EYS: variants seen among roughly 807,000 people sequenced by gnomAD.
EYS encodes the protein EGF-like photoreceptor maintenance factor.
Under a neutral mutation model 282.1 loss-of-function variants are expected in EYS, and 250 were observed. The ratio of observed to expected loss-of-function variants is 0.89; its 90% CI spans 0.80 to 0.98. The LOEUF (loss-of-function observed/expected upper bound fraction) is 0.98. Among genes scored for constraint, EYS ranks in the 50% least tolerant of loss-of-function variants. The pLI is 0.00. For synonymous variants in EYS, 1,355 were observed against 1,282.9 expected (o/e 1.06, Z -1.20); for missense variants, 4,016 against 3,709.0 (o/e 1.08, Z -2.15).
chr6:63,739,452 G>A (rs1769016942), intron 41 of EYS, among the ~76,000 whole-genome samples: 1 of 152,116 alleles, frequency 6.6e-6, no homozygotes, highest in Non-Finnish European at 1.5e-5. Context: ...TCTTTAAACA[G>A]TTATTGGATT....
At chr6:64,402,536 C>A (rs1249794962) in intron 28 of EYS, among the ~76,000 whole-genome samples, 1 of 152,166 alleles carries the variant, frequency 6.6e-6, no homozygotes, top group Admixed American at 6.6e-5. Context: ...TTAAATGGCA[C>A]CTCCTTCTAT....
intron 11 of EYS, among the ~76,000 whole-genome samples, chr6:65,320,288 C>T (rs1019180452): frequency 1.3e-5 from 2 of 151,876 alleles, no homozygotes; most frequent in African/African-American, 2.4e-5. Context: ...GACAAAAGCA[C>T]ATGTAGCCTG....
At chr6:65,519,148 T>C (rs965672438) in intron 2 of EYS, among the ~76,000 whole-genome samples, 1 of 152,198 alleles carries the variant, frequency 6.6e-6, no homozygotes, top group Admixed American at 6.5e-5. Flanking sequence ...TGTAGCACAC[T>C]ATTAATAATG....
intron 30 of EYS, among the ~76,000 whole-genome samples, chr6:64,233,386 A>G (rs1766487419): frequency 6.6e-6 from 1 of 152,178 alleles, no homozygotes; most frequent in African/African-American, 2.4e-5. Flanking sequence ...AAAATTTAGA[A>G]TGAAATAAAA....
At chr6:64,665,015 A>G (rs188739227) in intron 22 of EYS, among the ~76,000 whole-genome samples, 100 of 152,338 alleles carry the variant, frequency 6.6e-4, no homozygotes, top group Non-Finnish European at 1.1e-3. Flanking sequence ...CACATGTGTG[A>G]AAAAAGAGTC....
intron 11 of EYS, among the ~76,000 whole-genome samples, chr6:65,333,482 C>T (rs578257003): frequency 3.3e-5 from 5 of 151,578 alleles, no homozygotes; most frequent in South Asian, 4.2e-4. Context: ...GGAGAGTGTG[C>T]CATGTACATT....
intron 41 of EYS, among the ~76,000 whole-genome samples, chr6:63,736,025 A>G (rs1367307713): frequency 1.3e-5 from 2 of 152,178 alleles, no homozygotes; most frequent in African/African-American, 4.8e-5. Flanking sequence ...ATTATTGAGC[A>G]GATGATCAAA....
intron 34 of EYS, among the ~76,000 whole-genome samples, chr6:63,992,636 T>C (rs1238364215): frequency 6.6e-6 from 1 of 151,280 alleles, no homozygotes; most frequent in African/African-American, 2.4e-5. Flanking sequence ...AAAATACCTA[T>C]AGAAGATACA....
intron 18 of EYS, among the ~76,000 whole-genome samples, chr6:64,901,431 T>C (rs1300108446): frequency 6.6e-6 from 1 of 151,512 alleles, no homozygotes; most frequent in Non-Finnish European, 1.5e-5. Flanking sequence ...CAATAAGATA[T>C]AACTTTACAC....
chr6:64,172,125 C>T (rs367588840), intron 31 of EYS, among the ~76,000 whole-genome samples: 2 of 152,138 alleles, frequency 1.3e-5, no homozygotes, highest in African/African-American at 4.8e-5. Flanking sequence ...TTTCAATATT[C>T]TTTCCTGATC....
intron 12 of EYS, among the ~76,000 whole-genome samples, chr6:65,210,901 GAT>G (rs1473425881): frequency 1.3e-5 from 2 of 150,552 alleles, no homozygotes; most frequent in Non-Finnish European, 3.0e-5. Flanking sequence ...AGCCTTTCCT[GAT>G]GTTTTAATTT....
intron 7 of EYS, among the ~76,000 whole-genome samples, chr6:65,398,083 G>T (rs994663039): frequency 6.6e-5 from 10 of 151,856 alleles, no homozygotes; most frequent in African/African-American, 2.2e-4. Context: ...CATGCCTTTT[G>T]CTGACTTTTT....
intron 31 of EYS, among the ~76,000 whole-genome samples, chr6:64,087,816 T>C (rs1772207947): frequency 6.6e-6 from 1 of 152,108 alleles, no homozygotes; most frequent in African/African-American, 2.4e-5. Flanking sequence ...TCTTTATATA[T>C]GGGTTTATAT....
At chr6:64,889,353 AT>A (rs558106163) in intron 18 of EYS, among the ~76,000 whole-genome samples, 7 of 151,158 alleles carry the variant, frequency 4.6e-5, no homozygotes, top group Non-Finnish European at 7.4e-5. Flanking sequence ...CTGAGTATTA[AT>A]TTTTTTTTGT....
chr6:65,094,373 G>A (rs1774673992), intron 12 of EYS, among the ~76,000 whole-genome samples: 2 of 147,320 alleles, frequency 1.4e-5, no homozygotes, highest in African/African-American at 5.0e-5. Flanking sequence ...TAGACCAACG[G>A]GACCTAACAG....
At chr6:65,476,868 G>T (rs1008591691) in intron 5 of EYS, among the ~76,000 whole-genome samples, 3 of 152,078 alleles carry the variant, frequency 2.0e-5, no homozygotes, top group African/African-American at 4.8e-5. Context: ...AGCCACAGTA[G>T]CCAGCCTAAA....
At chr6:63,921,612 G>A (rs1764576043) in intron 35 of EYS, among the ~76,000 whole-genome samples, 1 of 152,204 alleles carries the variant, frequency 6.6e-6, no homozygotes, top group South Asian at 2.1e-4. Flanking sequence ...GTAGCTTCTG[G>A]TGGGCTTTGT....
chr6:64,399,760 T>G (rs1372987019), intron 28 of EYS, among the ~76,000 whole-genome samples: 1 of 151,916 alleles, frequency 6.6e-6, no homozygotes, highest in Admixed American at 6.6e-5. Flanking sequence ...ACCTGATGTA[T>G]GGAGAGTATC....
chr6:65,613,776 A>G (rs1766085819), intron 2 of EYS, among the ~76,000 whole-genome samples: 1 of 151,886 alleles, frequency 6.6e-6, no homozygotes, highest in Non-Finnish European at 1.5e-5. Flanking sequence ...TAAAGTGATT[A>G]AAAACACACT....
Sources: gnomAD v4.1 joint callset for allele counts (sites outside exome capture counted in the v4.1 genomes callset) on GRCh38, gnomAD v4.1.1 for gene constraint, MANE v1.5 for transcripts, NCBI Gene and HGNC (gene_info 2026-07-23, HGNC 2026-07-21) for gene names.